CFAP46: variants seen among roughly 807,000 people sequenced by gnomAD.
The protein encoded by CFAP46 is cilia and flagella associated protein 46.
Under a neutral mutation model 325.7 loss-of-function variants are expected in CFAP46, and 245 were observed. That is an observed-to-expected ratio of 0.75 (90% CI 0.68 to 0.84). CFAP46 has a LOEUF of 0.84. CFAP46 is among the 40% of genes least tolerant of loss of function. The pLI is 0.00. For missense variants in CFAP46, 3,346 were observed against 3,543.0 expected, an observed-to-expected ratio of 0.94 and a Z score of 1.41; for synonymous variants, 1,523 against 1,495.9, an observed-to-expected ratio of 1.02 and a Z score of -0.42.
At position 132,810,390 on chromosome 10, in the gene CFAP46, C is replaced by G. The variant is rs376206683; in HGVS notation, c.7664+19G>C. ...AGAGGGTGCTGAAGGCCGCGGGGTG[C>G]AGGCCGCCCCTCCCTTACCTTGGTT... On this transcript the variant is annotated intron_variant, in intron 57 of 57. Transcript: ENST00000368586. The G allele has an allele frequency of 3.7e-6, 6 of 1,610,768 alleles. No homozygotes were observed. In the African/African-American group the frequency reaches 8.0e-5, roughly 22 times the overall value.
intron 5 of CFAP46, 84 bp downstream of exon 5, chr10:132,938,503 TCC>T (rs60993054): frequency 2.1e-5 from 26 of 1,246,494 alleles, no homozygotes; most frequent in South Asian, 5.5e-5. Context: ...GGAACTCCCG[TCC>T]CCCCCCCGGA....
At position 132,814,882 on chromosome 10, in the gene CFAP46, C is replaced by T. The variant is rs150452318; in HGVS notation, c.7150G>A (p.Asp2384Asn). The change falls in exon 51 of 58, where the codon GAC (aspartate) becomes AAC (asparagine). Residue 2384 changes from aspartate to asparagine, a missense_variant. Asp to Asn is a conservative substitution (Grantham distance 23, BLOSUM62 1). Coordinates refer to ENST00000368586, the MANE Select transcript of CFAP46 (RefSeq NM_001200049.3). Reference protein sequence around the residue: ...GGVKKEGRSRDPKKRSLAKKG... With the variant: ...GGVKKEGRSRNPKKRSLAKKG... ...TTCGCTAGGCTTCTCTTTTTGGGGT[C>T]TCTGCTTCTTCCCTCCTTTTTCACG... 7.4e-6 allele frequency: 12 copies of T among 1,614,202 alleles called. No homozygotes were observed. In the African/African-American group the frequency reaches 1.1e-4, roughly 14 times the overall value.
chr10:132,887,202 C>A (rs541798049), intron 25 of CFAP46, among the ~76,000 whole-genome samples: 1 of 93,916 alleles, frequency 1.1e-5, no homozygotes, highest in Admixed American at 9.2e-5. Flanking sequence ...CCTCTCTCCT[C>A]TTCTTTCCTC....
chr10:132,902,028 G>A (rs1383560513), intron 22 of CFAP46, among the ~76,000 whole-genome samples: 2 of 152,152 alleles, frequency 1.3e-5, no homozygotes, highest in Non-Finnish European at 2.9e-5. Context: ...CCCGGTCTTT[G>A]GTCTTCAGCA....
In CFAP46 at chr10:132,921,345, C is replaced by A. The variant is rs565082267; in HGVS notation, c.1606+759G>T. Among the ~76,000 whole-genome samples the A allele has an allele frequency of 1.2e-4, 19 of 152,310 alleles. No individual in the cohort carries two copies. In the South Asian group the frequency reaches 3.5e-3, roughly 28 times the overall value. ...GGGCTGGAGAGAGTGGGGCCGCCTG[C>A]GTTCCCAGAGCCACTGGCGAGTGCC... On this transcript the variant is annotated intron_variant, in intron 13 of 57. Transcript: ENST00000368586.
At chr10:132,888,848 G>A (rs71503767) in intron 25 of CFAP46, among the ~76,000 whole-genome samples, 17,036 of 81,166 alleles carry the variant, frequency 0.21, 356 homozygotes, top group Admixed American at 0.34. Flanking sequence ...CACCCCTGCC[G>A]CCTGCACCTG....
chr10:132,857,564 G>T (rs1157840514), intron 39 of CFAP46, 26 bp downstream of exon 39: 1 of 1,606,066 alleles, frequency 6.2e-7, no homozygotes, highest in South Asian at 1.1e-5. Context: ...GACCCAGTGT[G>T]CACAGGAACC....
At chr10:132,849,628 T>C (rs1406552781) in intron 41 of CFAP46, among the ~76,000 whole-genome samples, 1 of 152,140 alleles carries the variant, frequency 6.6e-6, no homozygotes, top group Non-Finnish European at 1.5e-5. Context: ...TCAGCCCAGC[T>C]GGGCAGCCTT....
intron 41 of CFAP46, among the ~76,000 whole-genome samples, chr10:132,849,041 C>T (rs947517103): frequency 6.6e-6 from 1 of 152,246 alleles, no homozygotes; most frequent in Non-Finnish European, 1.5e-5. Context: ...TATCTAAGGA[C>T]AGCAAAAGGC....
At chr10:132,822,666 CGCTTG>C (rs1847892274) in intron 50 of CFAP46, among the ~76,000 whole-genome samples, 1 of 95,662 alleles carries the variant, frequency 1.0e-5, no homozygotes, top group African/African-American at 4.2e-5. Context: ...GCTGTGTGTG[CGCTTG>C]TGTGTGCTGT....
chr10:132,901,519 TCCA>T (rs1184443345), intron 22 of CFAP46, among the ~76,000 whole-genome samples: 1 of 152,234 alleles, frequency 6.6e-6, no homozygotes, highest in Non-Finnish European at 1.5e-5. Context: ...TGAGTCCTAC[TCCA>T]CGTCACGTGT....
At position 132,857,090 on chromosome 10, in the gene CFAP46, G is replaced by T. The variant is rs981298451; in HGVS notation, c.5574+500C>A. Among the ~76,000 whole-genome samples, 60 of 152,252 alleles carry T rather than the reference G, an allele frequency of 3.9e-4. 4 individuals are homozygous for T. The highest frequency in any genetic ancestry group is 1.5e-5 in the Non-Finnish European group (1 of 68,048). ...GTTTTCCAATCCGGCTGGTGAAGTAGGTGCTGTTCCCACCCTAGAACCCTT... is the reference window on the plus strand; with the variant it reads ...GTTTTCCAATCCGGCTGGTGAAGTATGTGCTGTTCCCACCCTAGAACCCTT... On this transcript the variant is annotated intron_variant, in intron 39 of 57. Coordinates refer to ENST00000368586, the MANE Select transcript of CFAP46 (RefSeq NM_001200049.3).
chr10:132,819,618 G>A (rs1847757768), intron 50 of CFAP46, among the ~76,000 whole-genome samples: 1 of 152,214 alleles, frequency 6.6e-6, no homozygotes, highest in Non-Finnish European at 1.5e-5. Flanking sequence ...TTTGACAAAG[G>A]TGCCAAGAAC....
Position 132,847,397 on chromosome 10 carries a change from G to T in CFAP46, c.5953-76C>A. 2 of 1,575,942 alleles carry T rather than the reference G, an allele frequency of 1.3e-6. No individual in the cohort carries two copies. Among genetic ancestry groups the T allele is most frequent in the Non-Finnish European group, 1.7e-6 (2 of 1,155,032 alleles). The stretch of plus-strand genomic sequence containing the variant: ...GGCGTGGGGAGGGCCCACCCAGGGA[G>T]GCCGGGGTGGTCGGGCTCCTCAGCA... On this transcript the variant is annotated intron_variant, in intron 41 of 57. Transcript: ENST00000368586. This position sits in a 1 kb window ranked among gnomAD's most constrained non-coding sequence, Gnocchi z 5.2.
intron 35 of CFAP46, among the ~76,000 whole-genome samples, chr10:132,864,088 G>T (rs1291268664): frequency 7.9e-6 from 1 of 126,552 alleles, no homozygotes; most frequent in Admixed American, 8.3e-5. Context: ...TGTCCCCGGT[G>T]TCTGAGACCT....
chr10:132,853,378 G>T (rs1848591045), intron 39 of CFAP46, among the ~76,000 whole-genome samples: 1 of 152,120 alleles, frequency 6.6e-6, no homozygotes, highest in South Asian at 2.1e-4. Context: ...CTATTCCTGG[G>T]GTAACCTTGG....
In CFAP46 at chr10:132,941,972, C is replaced by A. The variant is rs1360137331; in HGVS notation, c.174+8G>T. 1 of 1,551,552 alleles carries A rather than the reference C, an allele frequency of 6.4e-7. No individual in the cohort carries two copies. The highest frequency in any genetic ancestry group is 1.4e-5 in the African/African-American group (1 of 73,056). On this transcript the variant is annotated splice_region_variant and intron_variant, in intron 2 of 57. Coordinates refer to ENST00000368586, the MANE Select transcript of CFAP46 (RefSeq NM_001200049.3). ...CTGCCCTGACCGAGGATCCCGGGAA[C>A]TAGTTACCTTCAGGGCCTGCTCTGC...
intron 9 of CFAP46, among the ~76,000 whole-genome samples, chr10:132,928,401 T>G (rs927282291): frequency 6.6e-6 from 1 of 152,210 alleles, no homozygotes; most frequent in Non-Finnish European, 1.5e-5. Context: ...CCATCCTCCG[T>G]GCGGCATGGG....
intron 44 of CFAP46, among the ~76,000 whole-genome samples, chr10:132,845,755 C>A (rs1848423276): frequency 6.6e-6 from 1 of 152,236 alleles, no homozygotes; most frequent in African/African-American, 2.4e-5. Flanking sequence ...GCCCTCAGGG[C>A]ACTGCTGGCC....
Sources: gnomAD v4.1 joint callset for allele counts (sites outside exome capture counted in the v4.1 genomes callset) on GRCh38, gnomAD v4.1.1 for gene constraint, Gnocchi (gnomAD v3.1) non-coding constraint, MANE v1.5 for transcripts, NCBI Gene and HGNC (gene_info 2026-07-23, HGNC 2026-07-21) for gene names.